Variants in FRMD4B observed in about 807,000 individuals in gnomAD.
FRMD4B encodes the protein FERM domain containing 4B.
Under a neutral mutation model 141.5 loss-of-function variants are expected in FRMD4B, and 74 were observed. That is an observed-to-expected ratio of 0.52 (90% CI 0.43 to 0.63). FRMD4B has a LOEUF of 0.63. Ranked by LOEUF, FRMD4B falls within the 30% of genes least tolerant of loss-of-function variation. FRMD4B has a pLI of 0.00. For missense variants in FRMD4B, 1,366 were observed against 1,253.4 expected, an observed-to-expected ratio of 1.09 and a Z score of -1.36; for synonymous variants, 506 against 467.9, an observed-to-expected ratio of 1.08 and a Z score of -1.05.
In FRMD4B at chr3:69,439,080, TGC is replaced by T. The variant is rs1270017458; in HGVS notation, c.-128-6321_-128-6320del. Among the ~76,000 whole-genome samples, 6 of 139,194 alleles carry T rather than the reference TGC, an allele frequency of 4.3e-5. No homozygotes were observed. The East Asian group carries it at 1.3e-3, about 30-fold the overall frequency. 91.3% of individuals were successfully genotyped at this position (139,194 alleles called of 152,430 possible). A position where few individuals can be genotyped will look rare whatever the true frequency, so the allele number is the denominator to read the frequency against. ...GTGTGTATGTGTGTGTGTGTGTGTG[TGC>T]ATGTGTCCAAACATATTCTATGATT... is the stretch of plus-strand genomic sequence containing the variant. On this transcript the variant is annotated intron_variant, in intron 1 of 5. Coordinates refer to the FRMD4B transcript ENST00000459638.
intron 1 of FRMD4B, among the ~76,000 whole-genome samples, chr3:69,326,957 A>C (rs1162248493): frequency 6.6e-6 from 1 of 152,212 alleles, no homozygotes; most frequent in East Asian, 1.9e-4. Context: ...AGTATCAATG[A>C]GTCAAAAATA....
intron 1 of FRMD4B, among the ~76,000 whole-genome samples, chr3:69,323,847 A>G (rs773763773): frequency 4.6e-5 from 7 of 151,812 alleles, no homozygotes; most frequent in Non-Finnish European, 1.0e-4. Context: ...TAAGGGCTAT[A>G]TTACTTCAGT....
In FRMD4B at chr3:69,176,556, G is replaced by A; in HGVS notation, c.2952C>T (p.Gly984=). The A allele has an allele frequency of 6.2e-7, 1 of 1,611,878 alleles. No individual in the cohort carries two copies. Among genetic ancestry groups the A allele is most frequent in the South Asian group, 1.1e-5 (1 of 91,044 alleles). The change falls in exon 22 of 23, where the codon GGC becomes GGT. Residue 984 remains glycine (G), a synonymous_variant. Transcript: ENST00000398540. ...PAHSSYTSCY[G]NVYNPLPSPS... The stretch of plus-strand genomic sequence containing the variant: ...GAGAGGGTAAAGGATTATAGACATT[G>A]CCATAGCAGCTGGTGTAAGAAGAAT...
At chr3:69,437,971 A>G (rs1705287359) in intron 1 of FRMD4B, among the ~76,000 whole-genome samples, 1 of 141,800 alleles carries the variant, frequency 7.1e-6, no homozygotes, top group African/African-American at 2.6e-5. Context: ...CTACATAAAT[A>G]TATACTATTA....
intron 1 of FRMD4B, among the ~76,000 whole-genome samples, chr3:69,542,023 G>A (rs1419756468): frequency 6.6e-6 from 1 of 152,132 alleles, no homozygotes; most frequent in African/African-American, 2.4e-5. Flanking sequence ...AGCGGAGGCT[G>A]CACTAGACCT....
intron 1 of FRMD4B, among the ~76,000 whole-genome samples, chr3:69,446,667 A>T (rs562371150): frequency 2.0e-5 from 3 of 152,186 alleles, no homozygotes; most frequent in African/African-American, 7.2e-5. Flanking sequence ...CCCAATTTTC[A>T]ATGTTCTCCC....
chr3:69,342,350 C>T (rs1215376944), intron 1 of FRMD4B, among the ~76,000 whole-genome samples: 1 of 152,150 alleles, frequency 6.6e-6, no homozygotes, highest in Non-Finnish European at 1.5e-5. Flanking sequence ...GTCCAAATGA[C>T]AGAATGCTGA....
At chr3:69,327,779 A>C (rs1279356952) in intron 1 of FRMD4B, among the ~76,000 whole-genome samples, 2 of 152,248 alleles carry the variant, frequency 1.3e-5, no homozygotes, top group Non-Finnish European at 2.9e-5. Flanking sequence ...CAGAAAAGTC[A>C]AACTCATTTG....
intron 5 of FRMD4B, among the ~76,000 whole-genome samples, chr3:69,253,762 T>C (rs544900104): frequency 5.3e-5 from 8 of 152,314 alleles, no homozygotes; most frequent in East Asian, 1.9e-4. Context: ...CTAGTACTAA[T>C]TGATTCAGGC....
chr3:69,333,216 T>A (rs1455523399), intron 1 of FRMD4B, among the ~76,000 whole-genome samples: 1 of 152,166 alleles, frequency 6.6e-6, no homozygotes, highest in Non-Finnish European at 1.5e-5. Flanking sequence ...ATTGGAGAAT[T>A]CTGCAACTGT....
intron 2 of FRMD4B, among the ~76,000 whole-genome samples, chr3:69,402,306 A>G (rs1704576693): frequency 6.6e-6 from 1 of 152,206 alleles, no homozygotes; most frequent in Admixed American, 6.5e-5. Context: ...CACAATGAGG[A>G]TGAAGCCAAT....
intron 2 of FRMD4B, among the ~76,000 whole-genome samples, chr3:69,402,938 C>T (rs1161030974): frequency 1.3e-5 from 2 of 152,228 alleles, no homozygotes; most frequent in African/African-American, 4.8e-5. Flanking sequence ...AAGCATAGCC[C>T]TGGAATTTCT....
chr3:69,497,513 T>C (rs1371308944), intron 1 of FRMD4B, among the ~76,000 whole-genome samples: 1 of 152,140 alleles, frequency 6.6e-6, no homozygotes, highest in African/African-American at 2.4e-5. Flanking sequence ...GCTTTGTCTT[T>C]GTGGTTTAAT....
intron 5 of FRMD4B, among the ~76,000 whole-genome samples, chr3:69,281,838 A>AAATATATATAT (rs1553715921): frequency 3.1e-5 from 4 of 128,232 alleles, no homozygotes; most frequent in African/African-American, 1.2e-4. Flanking sequence ...AAAAAAAAAA[A>AAATATATATAT]ATATATATAT....
In FRMD4B at chr3:69,505,147, A is replaced by T. The variant is rs1180592961; in HGVS notation, c.-129+37059T>A. Among the ~76,000 whole-genome samples, 5 of 152,240 alleles carry T rather than the reference A, an allele frequency of 3.3e-5. 1 individual carries two copies. The highest frequency in any genetic ancestry group is 1.2e-4 in the African/African-American group (5 of 41,542). ...CATTTTGGGAGGCTGAGACCAGAGG[A>T]TTGCTTGAGGCCTGGAGTTAGAGAC... On this transcript the variant is annotated intron_variant, in intron 1 of 5. Transcript: ENST00000459638.
chr3:69,445,680 G>A (rs1455544997), intron 1 of FRMD4B, among the ~76,000 whole-genome samples: 2 of 152,034 alleles, frequency 1.3e-5, no homozygotes, highest in Non-Finnish European at 2.9e-5. Flanking sequence ...CTCACTGCAG[G>A]GACTTGGCAC....
chr3:69,261,184 C>G (rs1056048327), intron 5 of FRMD4B, among the ~76,000 whole-genome samples: 2 of 152,216 alleles, frequency 1.3e-5, no homozygotes. Context: ...AGCTGTAACA[C>G]TGCTGGCGAA....
At chr3:69,371,893 G>A (rs1351913636) in intron 1 of FRMD4B, among the ~76,000 whole-genome samples, 1 of 152,134 alleles carries the variant, frequency 6.6e-6, no homozygotes, top group African/African-American at 2.4e-5. Flanking sequence ...TATATTTGTT[G>A]AAATGAATGC....
chr3:69,195,384 C>A lies in FRMD4B; in HGVS notation c.1235-20G>T, dbSNP rs770581439. 1.3e-6 allele frequency: 2 copies of A among 1,593,902 alleles called. No homozygotes were observed. Among genetic ancestry groups the A allele is most frequent in the African/African-American group, 1.4e-5 (1 of 73,650 alleles). On this transcript the variant is annotated intron_variant, in intron 14 of 22. Coordinates refer to ENST00000398540, the MANE Select transcript of FRMD4B (RefSeq NM_015123.3). ...GAGAACCTAGGGGATGAGGGAAGGG[C>A]AGGGAAGGTTTATACAAGGGATGTT...
Sources: gnomAD v4.1 joint callset for allele counts (sites outside exome capture counted in the v4.1 genomes callset) on GRCh38, gnomAD v4.1.1 for gene constraint, MANE v1.5 for transcripts, NCBI Gene and HGNC (gene_info 2026-07-23, HGNC 2026-07-21) for gene names.